The following PHF20L1 variants were observed in gnomAD, a reference collection of about 807,000 sequenced individuals.
PHF20L1 encodes PHD finger protein 20-like protein 1.
PHF20L1 carries 44 observed loss-of-function variants against 125.5 expected under a neutral mutation model. That is an observed-to-expected ratio of 0.35 (90% CI 0.28 to 0.45). The LOEUF is 0.45. PHF20L1 is among the 20% of genes least tolerant of loss of function. The pLI is 1.00. For synonymous variants in PHF20L1, 380 were observed against 403.1 expected, an observed-to-expected ratio of 0.94 and a Z score of 0.69; for missense variants, 1,012 against 1,217.2, an observed-to-expected ratio of 0.83 and a Z score of 2.51.
rs1563866165 is a variant in PHF20L1 at position 132,847,242 on chromosome 8, C to G, written c.*1319C>G. The stretch of plus-strand genomic sequence containing the variant: ...ACATATCTAGTTTTATTACTATAGA[C>G]TATACGAATTGGTGGTTAACATGAA... On this transcript the variant is annotated 3_prime_UTR_variant, in exon 21 of 21. Transcript: ENST00000395386. The G allele has an allele frequency of 6.6e-6, 1 of 152,474 alleles. No homozygotes were observed. The highest frequency in any genetic ancestry group is 2.4e-5 in the African/African-American group (1 of 41,416). 9.4% of individuals were successfully genotyped at this position (152,474 alleles called of 1,614,324 possible). A position where few individuals can be genotyped will look rare whatever the true frequency, so the allele number is the denominator to read the frequency against.
At chr8:132,829,010 A>C (rs1286282382) in intron 14 of PHF20L1, among the ~76,000 whole-genome samples, 1 of 152,064 alleles carries the variant, frequency 6.6e-6, no homozygotes, top group East Asian at 1.9e-4. Flanking sequence ...AGTTGGTATG[A>C]TCAAGGAAGG....
intron 4 of PHF20L1, 103 bp downstream of exon 4, chr8:132,794,920 C>G (rs563048909): frequency 1.6e-5 from 11 of 686,226 alleles, no homozygotes; most frequent in Non-Finnish European, 2.5e-5. Context: ...TTACGTATAA[C>G]TTTTATATTT....
chr8:132,827,115 C>T (rs990865814), intron 14 of PHF20L1, among the ~76,000 whole-genome samples: 2 of 151,964 alleles, frequency 1.3e-5, no homozygotes, highest in African/African-American at 4.8e-5. Flanking sequence ...CATTTCCGGG[C>T]ACTTCTGTGT....
chr8:132,817,169 G>T (rs1332152112), intron 11 of PHF20L1, 93 bp downstream of exon 11: 2 of 934,900 alleles, frequency 2.1e-6, no homozygotes, highest in African/African-American at 3.4e-5. Context: ...AGATATTTCT[G>T]CTCTTATATC....
At chr8:132,807,691 C>G in intron 8 of PHF20L1, 1 of 454,592 alleles carries the variant, frequency 2.2e-6, no homozygotes, top group Non-Finnish European at 4.4e-6. Context: ...CCAGGGAGCT[C>G]TGGGCTCTGT....
At chr8:132,785,465 A>G (rs1375881961) in intron 2 of PHF20L1, among the ~76,000 whole-genome samples, 1 of 152,138 alleles carries the variant, frequency 6.6e-6, no homozygotes, top group African/African-American at 2.4e-5. Context: ...ACTAGTTTTA[A>G]TTTTAAGTTT....
At chr8:132,799,788 T>C (rs549505830) in intron 6 of PHF20L1, 2 of 151,944 alleles carry the variant, frequency 1.3e-5, no homozygotes, top group South Asian at 4.1e-4. Context: ...AAGAAATAAG[T>C]GTGATTGTTT....
intron 2 of PHF20L1, among the ~76,000 whole-genome samples, chr8:132,778,444 C>A (rs1385917237): frequency 6.6e-6 from 1 of 152,146 alleles, no homozygotes; most frequent in Non-Finnish European, 1.5e-5. Flanking sequence ...CCCTGGTGGG[C>A]CTTAACCTAA....
At chr8:132,822,453 A>G (rs906936584) in intron 12 of PHF20L1, among the ~76,000 whole-genome samples, 2 of 152,108 alleles carry the variant, frequency 1.3e-5, no homozygotes, top group Non-Finnish European at 1.5e-5. Context: ...GTAAGAACCT[A>G]AGAGGCAATG....
intron 15 of PHF20L1, among the ~76,000 whole-genome samples, chr8:132,833,517 TG>T (rs1186359884): frequency 1.3e-5 from 2 of 152,096 alleles, no homozygotes; most frequent in Non-Finnish European, 2.9e-5. Context: ...TAAACTATAC[TG>T]ATCATGGATC....
Position 132,848,432 on chromosome 8 carries a change from TTC to T in PHF20L1, c.*2511_*2512del. ...GTGAAAAGTTTCAGATGAGATTATT[TTC>T]TTTTAGTCTTTTTAAATATCACTAT... On this transcript the variant is annotated 3_prime_UTR_variant, in exon 21 of 21. Coordinates refer to ENST00000395386, the MANE Select transcript of PHF20L1 (RefSeq NM_016018.5). 2 of 152,690 alleles carry T rather than the reference TTC, an allele frequency of 1.3e-5. No individual in the cohort carries two copies. The highest frequency in any genetic ancestry group is 2.9e-5 in the Non-Finnish European group (2 of 67,976). 9.5% of individuals were successfully genotyped at this position (152,690 alleles called of 1,614,324 possible).
At chr8:132,800,968 A>T (rs942869297) in intron 6 of PHF20L1, among the ~76,000 whole-genome samples, 1 of 151,462 alleles carries the variant, frequency 6.6e-6, no homozygotes, top group Non-Finnish European at 1.5e-5. Context: ...TTCTTCTTCC[A>T]CATAATTTTG....
At chr8:132,803,188 G>A (rs1304865004) in intron 6 of PHF20L1, among the ~76,000 whole-genome samples, 2 of 151,764 alleles carry the variant, frequency 1.3e-5, no homozygotes, top group Non-Finnish European at 2.9e-5. Flanking sequence ...AGTTTTGACA[G>A]TTAATGCTTT....
rs1838571430 is a variant in PHF20L1, at chr8:132,848,561, T to TC, written c.*2641dup. On this transcript the variant is annotated 3_prime_UTR_variant, in exon 21 of 21. Transcript: ENST00000395386. ...CAGAATGAGCATTGGTAGAGAAGGC[T>TC]CCCTCTTGGTATGTTACTGATAAAC... The TC allele has an allele frequency of 6.6e-6, 1 of 152,588 alleles. No homozygotes were observed. The highest frequency in any genetic ancestry group is 2.1e-4 in the South Asian group (1 of 4,834). The allele number at this position is 152,588 out of a possible 1,614,324, so 9.5% of individuals were successfully genotyped here.
chr8:132,798,663 T>C, intron 4 of PHF20L1, 109 bp from the exon 5 acceptor site: 2 of 630,384 alleles, frequency 3.2e-6, no homozygotes, highest in African/African-American at 1.9e-5. Context: ...ATTTGTAGTT[T>C]TTGCATTCCT....
chr8:132,812,839 T>C, intron 9 of PHF20L1: 2 of 981,386 alleles, frequency 2.0e-6, no homozygotes, highest in Non-Finnish European at 2.4e-6. Context: ...TGACATAGAT[T>C]GATAACAGGC....
Position 132,844,338 on chromosome 8 carries a change from A to T in PHF20L1, c.2911+20A>T. On this transcript the variant is annotated intron_variant, in intron 20 of 20. Coordinates refer to ENST00000395386, the MANE Select transcript of PHF20L1 (RefSeq NM_016018.5). ...TCGATGGTAATTTAAGAAAGAACTAAAATACAGTTACTATAGTGAATTTAT... is the reference window on the plus strand; with the variant it reads ...TCGATGGTAATTTAAGAAAGAACTATAATACAGTTACTATAGTGAATTTAT... 6.4e-7 allele frequency: 1 copy of T among 1,570,250 alleles called. No individual in the cohort carries two copies. The highest frequency in any genetic ancestry group is 8.7e-7 in the Non-Finnish European group (1 of 1,148,718).
intron 2 of PHF20L1, among the ~76,000 whole-genome samples, chr8:132,792,241 A>G (rs988465902): frequency 2.4e-4 from 36 of 152,204 alleles, no homozygotes; most frequent in African/African-American, 8.4e-4. Flanking sequence ...TTTTTATAGT[A>G]CTTCAGTGGC....
At chr8:132,790,108 GACAAA>G (rs1831504181) in intron 2 of PHF20L1, among the ~76,000 whole-genome samples, 1 of 152,014 alleles carries the variant, frequency 6.6e-6, no homozygotes, top group African/African-American at 2.4e-5. Flanking sequence ...TTTAAAAAAT[GACAAA>G]ACAACAACAT....
Sources: gnomAD v4.1 joint callset for allele counts (sites outside exome capture counted in the v4.1 genomes callset) on GRCh38, gnomAD v4.1.1 for gene constraint, MANE v1.5 for transcripts, NCBI Gene and HGNC (gene_info 2026-07-23, HGNC 2026-07-21) for gene names.